The following NAP1L4 variants were observed in gnomAD, a reference collection of about 807,000 sequenced individuals.
NAP1L4 encodes the protein nucleosome assembly protein 1-like 4.
Under a neutral mutation model 58.2 loss-of-function variants are expected in NAP1L4, and 15 were observed. That is an observed-to-expected ratio of 0.26 (90% CI 0.17 to 0.40). The LOEUF (loss-of-function observed/expected upper bound fraction) is 0.40, where lower values mean the gene tolerates loss of function less well. NAP1L4 is among the 10% of genes least tolerant of loss of function. NAP1L4 has a pLI of 1.00. For synonymous variants in NAP1L4, 171 were observed against 155.6 expected (o/e 1.10, Z -0.74); for missense variants, 384 against 451.1 (o/e 0.85, Z 1.35).
At position 2,949,349 on chromosome 11, in the gene NAP1L4, T is replaced by G; in HGVS notation, c.1123-85A>C. 9.1e-7 allele frequency: 1 copy of G among 1,096,942 alleles called. No individual in the cohort carries two copies. The highest frequency in any genetic ancestry group is 1.4e-6 in the Non-Finnish European group (1 of 712,276). The allele number at this position is 1,096,942 out of a possible 1,614,324, so 68.0% of individuals were successfully genotyped here. A position where few individuals can be genotyped will look rare whatever the true frequency, so the allele number is the denominator to read the frequency against. On this transcript the variant is annotated intron_variant, in intron 14 of 15. Transcript: ENST00000380542. This position sits in a 1 kb window ranked among gnomAD's most constrained non-coding sequence, Gnocchi z 4.0. ...ATTATACAGGAGGAAACGGCCACAA[T>G]TTCTCATGATACAAAAGGGCTGCAA...
rs1220778940 is a variant in NAP1L4 at position 2,971,675 on chromosome 11, G to A, written c.316-141C>T. The A allele has an allele frequency of 5.7e-6, 4 of 704,902 alleles. No homozygotes were observed. The highest frequency in any genetic ancestry group is 9.1e-6 in the Non-Finnish European group (4 of 441,196). The allele number at this position is 704,902 out of a possible 1,614,324, so 43.7% of individuals were successfully genotyped here. A position where few individuals can be genotyped will look rare whatever the true frequency, so the allele number is the denominator to read the frequency against. On this transcript the variant is annotated intron_variant, in intron 5 of 15. Transcript: ENST00000380542. This position sits in a 1 kb window ranked among gnomAD's most constrained non-coding sequence, Gnocchi z 4.2. Reference sequence around the variant, plus strand: ...TTATTTTAAGATTCTAAATTTTAGGGTTCAAAGAAAAATATTAAATGATTC... The same window carrying A: ...TTATTTTAAGATTCTAAATTTTAGGATTCAAAGAAAAATATTAAATGATTC...
chr11:2,955,304 C>A lies in NAP1L4; in HGVS notation c.915+440G>T, dbSNP rs1846468809. 6.6e-6 allele frequency among the ~76,000 whole-genome samples: 1 copy of A among 152,070 alleles called. No individual in the cohort carries two copies. Among genetic ancestry groups the A allele is most frequent in the Non-Finnish European group, 1.5e-5 (1 of 68,016 alleles). Reference sequence around the variant, plus strand: ...CTCCTCCTCTCGGGTTCAAGTGATTCTCCTGCTTGAGCCTCCTGAGTAGCT... The same window carrying A: ...CTCCTCCTCTCGGGTTCAAGTGATTATCCTGCTTGAGCCTCCTGAGTAGCT... On this transcript the variant is annotated intron_variant, in intron 11 of 15. Transcript: ENST00000380542. This position sits in a 1 kb window ranked among gnomAD's most constrained non-coding sequence, Gnocchi z 4.2.
chr11:2,968,770 G>A (rs35429169), intron 7 of NAP1L4, among the ~76,000 whole-genome samples: 8,144 of 152,302 alleles, frequency 0.053, 328 homozygotes, highest in Non-Finnish European at 0.079. Flanking sequence ...ATGCAGACGT[G>A]CTGTTTCTGG....
At position 2,959,771 on chromosome 11, in the gene NAP1L4, C is replaced by T. The variant is rs1846747612; in HGVS notation, c.745G>A (p.Gly249Arg). Residue 249 changes from glycine to arginine, a missense_variant and splice_region_variant, in exon 9 of 16, where the codon GGG (glycine) becomes AGG (arginine). Coordinates refer to ENST00000380542, the MANE Select transcript of NAP1L4 (RefSeq NM_005969.4). This position sits in a 1 kb window ranked among gnomAD's most constrained non-coding sequence, Gnocchi z 4.9. ...FEGPEIVDCDGCTIDWKKGKN... is the reference protein window; with the variant it reads ...FEGPEIVDCDRCTIDWKKGKN... Reference sequence around the variant, plus strand: ...CAAGGTAGAATGACATTTTCTTACCCGTCACAGTCCACAATCTCAGGACCT... The same window carrying T: ...CAAGGTAGAATGACATTTTCTTACCTGTCACAGTCCACAATCTCAGGACCT... 1.2e-6 allele frequency: 2 copies of T among 1,611,910 alleles called. No homozygotes were observed. Among genetic ancestry groups the T allele is most frequent in the Non-Finnish European group, 1.7e-6 (2 of 1,179,440 alleles).
At chr11:2,968,804 A>T (rs970437111) in intron 7 of NAP1L4, among the ~76,000 whole-genome samples, 2 of 152,168 alleles carry the variant, frequency 1.3e-5, no homozygotes, top group South Asian at 4.1e-4. Flanking sequence ...ATAAAAACTG[A>T]CGGCAAGTCA....
intron 1 of NAP1L4, among the ~76,000 whole-genome samples, chr11:2,989,512 A>C (rs1043296947): frequency 6.6e-6 from 1 of 152,224 alleles, no homozygotes; most frequent in African/African-American, 2.4e-5. Context: ...CATTTTTGGA[A>C]GTACAACATA....
In NAP1L4 at chr11:2,946,372, CAG is replaced by C. The variant is rs1161463630; in HGVS notation, c.*33-728_*33-727del. Among the ~76,000 whole-genome samples the C allele has an allele frequency of 6.6e-6, 1 of 152,214 alleles. No homozygotes were observed. The highest frequency in any genetic ancestry group is 1.9e-4 in the East Asian group (1 of 5,192). On this transcript the variant is annotated intron_variant, in intron 15 of 15. Transcript: ENST00000380542. The surrounding 1 kb of genome is among the most constrained non-coding windows in gnomAD (Gnocchi z 4.8). ...GGATTAACTCCAATATTATCTAACA[CAG>C]AGATCTTGTACCCTTTAAACCACAT...
Position 2,971,383 on chromosome 11 carries a change from T to A in NAP1L4, c.402+65A>T. 7.0e-7 allele frequency: 1 copy of A among 1,422,184 alleles called. No homozygotes were observed. 88.1% of individuals were successfully genotyped at this position (1,422,184 alleles called of 1,614,324 possible). On this transcript the variant is annotated intron_variant, in intron 6 of 15. Coordinates refer to ENST00000380542, the MANE Select transcript of NAP1L4 (RefSeq NM_005969.4). This position sits in a 1 kb window ranked among gnomAD's most constrained non-coding sequence, Gnocchi z 4.2. The stretch of plus-strand genomic sequence containing the variant: ...TAAGTTTACTAGTCATTAAAAATCA[T>A]TAAAAAATGCTTATTTTTAACAGTA...
chr11:2,987,163 T>C (rs967657965), intron 1 of NAP1L4, among the ~76,000 whole-genome samples: 7 of 152,124 alleles, frequency 4.6e-5, no homozygotes, highest in Non-Finnish European at 1.0e-4. Flanking sequence ...CTGGTGATTA[T>C]ACGAAGCCCT....
At chr11:2,974,447 A>G (rs1456789135) in intron 4 of NAP1L4, among the ~76,000 whole-genome samples, 1 of 152,224 alleles carries the variant, frequency 6.6e-6, no homozygotes, top group Non-Finnish European at 1.5e-5. Flanking sequence ...TTCTAAAGCG[A>G]GAAAACTAGA....
At chr11:2,967,709 C>T (rs1564982135) in intron 7 of NAP1L4, among the ~76,000 whole-genome samples, 1 of 152,100 alleles carries the variant, frequency 6.6e-6, no homozygotes, top group South Asian at 2.1e-4. Flanking sequence ...ATAACATTTC[C>T]TCATTCTCTG....
chr11:2,968,300 G>A (rs1446443595), intron 7 of NAP1L4, among the ~76,000 whole-genome samples: 1 of 152,166 alleles, frequency 6.6e-6, no homozygotes, highest in African/African-American at 2.4e-5. Context: ...TTGCTATTTA[G>A]TTTTCAAAGC....
chr11:2,965,886 C>A (rs1049044507), intron 7 of NAP1L4, among the ~76,000 whole-genome samples: 1 of 152,202 alleles, frequency 6.6e-6, no homozygotes, highest in Admixed American at 6.5e-5. Flanking sequence ...ATCCAACTTG[C>A]GGGCACCATG....
At chr11:2,992,017 G>A (rs1849006401) in intron 1 of NAP1L4, 1 of 152,118 alleles carries the variant, frequency 6.6e-6, no homozygotes, top group African/African-American at 2.4e-5. Context: ...CCGGGAGTTG[G>A]GAGGGGCCTC....
chr11:2,950,084 G>A (rs1846143491), intron 14 of NAP1L4, among the ~76,000 whole-genome samples: 1 of 152,248 alleles, frequency 6.6e-6, no homozygotes, highest in South Asian at 2.1e-4. Flanking sequence ...TTCACTGGCT[G>A]ACTGACAGCC....
chr11:2,988,328 G>A (rs1445232970), intron 1 of NAP1L4, among the ~76,000 whole-genome samples: 1 of 152,074 alleles, frequency 6.6e-6, no homozygotes, highest in African/African-American at 2.4e-5. Context: ...TGTCAATAAG[G>A]CACTTCCCTC....
intron 1 of NAP1L4, chr11:2,990,424 A>T (rs1392778339): frequency 1.3e-5 from 2 of 152,140 alleles, no homozygotes; most frequent in African/African-American, 2.4e-5. Flanking sequence ...CTTTCTCTGA[A>T]CTTCATTTTA....
At chr11:2,947,186 C>T (rs1293221347) in intron 15 of NAP1L4, among the ~76,000 whole-genome samples, 1 of 152,190 alleles carries the variant, frequency 6.6e-6, no homozygotes, top group African/African-American at 2.4e-5. Context: ...AAAGAAAATG[C>T]TCACGGGAGG....
In NAP1L4 at chr11:2,951,232, G is replaced by A. The variant is rs369167728; in HGVS notation, c.1122+27C>T. On this transcript the variant is annotated intron_variant, in intron 14 of 15. Coordinates refer to ENST00000380542, the MANE Select transcript of NAP1L4 (RefSeq NM_005969.4). This position sits in a 1 kb window ranked among gnomAD's most constrained non-coding sequence, Gnocchi z 4.0. ...GTCTAAGAGTGCAGCATAATAAGTA[G>A]GTCTGGGTGGCCCCAAAGTTACCAA... 2 of 1,601,330 alleles carry A rather than the reference G, an allele frequency of 1.2e-6. No individual in the cohort carries two copies. The highest frequency in any genetic ancestry group is 1.7e-6 in the Non-Finnish European group (2 of 1,168,744).
Sources: gnomAD v4.1 joint callset for allele counts (sites outside exome capture counted in the v4.1 genomes callset) on GRCh38, gnomAD v4.1.1 for gene constraint, Gnocchi (gnomAD v3.1) non-coding constraint, MANE v1.5 for transcripts, NCBI Gene and HGNC (gene_info 2026-07-23, HGNC 2026-07-21) for gene names.